The following FOXK1 variants were observed in gnomAD, a reference collection of about 807,000 sequenced individuals.
The protein encoded by FOXK1 is forkhead box K1, also known as forkhead box protein K1.
FOXK1 carries 19 observed loss-of-function variants against 51.9 expected under a neutral mutation model. The ratio of observed to expected loss-of-function variants is 0.37; its 90% CI spans 0.26 to 0.54. The LOEUF (loss-of-function observed/expected upper bound fraction) is 0.54, where lower values mean the gene tolerates loss of function less well. Ranked by LOEUF, FOXK1 falls within the 20% of genes least tolerant of loss-of-function variation. The probability of loss-of-function intolerance (pLI) is 0.87; values close to 1 mark genes in which losing one functional copy is unlikely to be tolerated. For synonymous variants in FOXK1, 537 were observed against 482.6 expected (o/e 1.11, Z -1.48); for missense variants, 870 against 1,032.7 (o/e 0.84, Z 2.16).
intron 2 of FOXK1, among the ~76,000 whole-genome samples, chr7:4,751,251 C>G (rs1267556302): frequency 6.6e-6 from 1 of 150,632 alleles, no homozygotes; most frequent in Non-Finnish European, 1.5e-5. Flanking sequence ...GCTCTCCTGA[C>G]CTCATGATCC....
chr7:4,713,588 T>A (rs2115042773), intron 1 of FOXK1, among the ~76,000 whole-genome samples: 1 of 150,884 alleles, frequency 6.6e-6, no homozygotes, highest in Middle Eastern at 3.4e-3. Flanking sequence ...CCCTCCTGGG[T>A]GCAAGTGATT....
intron 1 of FOXK1, among the ~76,000 whole-genome samples, chr7:4,728,339 T>A (rs1372814442): frequency 6.6e-6 from 1 of 152,218 alleles, no homozygotes; most frequent in African/African-American, 2.4e-5. Context: ...GCACCCAGAT[T>A]TTAACCCTCA....
At position 4,755,150 on chromosome 7, in the gene FOXK1, G is replaced by A; in HGVS notation, c.904-87G>A. On this transcript the variant is annotated intron_variant, in intron 3 of 8. Coordinates refer to ENST00000328914, the MANE Select transcript of FOXK1 (RefSeq NM_001037165.2). The surrounding 1 kb of genome is among the most constrained non-coding windows in gnomAD (Gnocchi z 6.6). ...CAAGACGCGCACATTCTCGTGGGAA[G>A]GTTCCTCCCCATCAGCTGTGACGGG... 1 of 1,535,850 alleles carries A rather than the reference G, an allele frequency of 6.5e-7. No homozygotes were observed. The highest frequency in any genetic ancestry group is 1.2e-5 in the South Asian group (1 of 83,400).
chr7:4,741,304 T>C (rs1780630890), intron 2 of FOXK1, among the ~76,000 whole-genome samples: 1 of 151,252 alleles, frequency 6.6e-6, no homozygotes, highest in East Asian at 1.9e-4. Flanking sequence ...TTTGTTTTTT[T>C]TTAAAGGGCG....
chr7:4,706,033 C>CATATATAT (rs1562373207), intron 1 of FOXK1, among the ~76,000 whole-genome samples: 9 of 90,656 alleles, frequency 9.9e-5, no homozygotes, highest in African/African-American at 9.3e-4. Flanking sequence ...CGTGTATATA[C>CATATATAT]GTGTATATAC....
rs1780522010 is a variant in FOXK1 at position 4,734,263 on chromosome 7, T to C, written c.561-6575T>C. Among the ~76,000 whole-genome samples the C allele has an allele frequency of 6.6e-6, 1 of 152,200 alleles. No homozygotes were observed. The highest frequency in any genetic ancestry group is 2.1e-4 in the South Asian group (1 of 4,830). On this transcript the variant is annotated intron_variant, in intron 1 of 8. Coordinates refer to ENST00000328914, the MANE Select transcript of FOXK1 (RefSeq NM_001037165.2). This position sits in a 1 kb window ranked among gnomAD's most constrained non-coding sequence, Gnocchi z 5.2. ...GACAGAGCCTCTGAAGCTCCTGTTT[T>C]CTTTGTCCTTCCTGAGACAGATCTC...
intron 1 of FOXK1, among the ~76,000 whole-genome samples, chr7:4,704,891 G>A (rs1187559223): frequency 6.8e-6 from 1 of 147,750 alleles, no homozygotes; most frequent in Non-Finnish European, 1.5e-5. Flanking sequence ...GAGTGCAGTG[G>A]CATGAACTCA....
intron 1 of FOXK1, among the ~76,000 whole-genome samples, chr7:4,739,378 G>A (rs575595001): frequency 6.6e-6 from 1 of 152,338 alleles, no homozygotes; most frequent in East Asian, 1.9e-4. Flanking sequence ...ATCTCTGTGT[G>A]GGCAGGCTGC....
In FOXK1 at chr7:4,749,900, T is replaced by C. The variant is rs115713873; in HGVS notation, c.747-4559T>C. On this transcript the variant is annotated intron_variant, in intron 2 of 8. Coordinates refer to ENST00000328914, the MANE Select transcript of FOXK1 (RefSeq NM_001037165.2). The surrounding 1 kb of genome is among the most constrained non-coding windows in gnomAD (Gnocchi z 6.0). ...ATAACGTGACCCAGCGACCTGTGTG[T>C]CCCACAGCCCGTCCGTCCCTCTGCA... Among the ~76,000 whole-genome samples the C allele has an allele frequency of 0.013, 1,906 of 152,336 alleles. 47 individuals carry two copies. Among genetic ancestry groups the C allele is most frequent in the African/African-American group, 0.042 (1,757 of 41,574 alleles).
chr7:4,691,346 A>G (rs1346102234), intron 1 of FOXK1, among the ~76,000 whole-genome samples: 1 of 152,158 alleles, frequency 6.6e-6, no homozygotes, highest in African/African-American at 2.4e-5. Context: ...AAACTGATCA[A>G]TAGACATACA....
chr7:4,695,743 C>A (rs1779943299), intron 1 of FOXK1, among the ~76,000 whole-genome samples: 1 of 152,150 alleles, frequency 6.6e-6, no homozygotes, highest in South Asian at 2.1e-4. Flanking sequence ...TCGAGACCAG[C>A]CTGACCAACG....
chr7:4,729,599 C>T lies in FOXK1; in HGVS notation c.561-11239C>T, dbSNP rs1420360198. 1.3e-5 allele frequency among the ~76,000 whole-genome samples: 2 copies of T among 152,220 alleles called. No homozygotes were observed. The highest frequency in any genetic ancestry group is 1.9e-4 in the East Asian group (1 of 5,188). On this transcript the variant is annotated intron_variant, in intron 1 of 8. Coordinates refer to ENST00000328914, the MANE Select transcript of FOXK1 (RefSeq NM_001037165.2). The surrounding 1 kb of genome is among the most constrained non-coding windows in gnomAD (Gnocchi z 6.2). ...GGGAGGGTCGGTGGCCATGGCTGTG[C>T]TTGGCCGCCTCTGTGGGGCTCTATC...
Position 4,745,930 on chromosome 7 carries a change from G to C in FOXK1, c.746+4907G>C, listed in dbSNP as rs1268066054. ...GAAGGAATTAAAGTATTTAATGAAA[G>C]AATTCAAGTAGTTAATCATTTTCTA... On this transcript the variant is annotated intron_variant, in intron 2 of 8. Coordinates refer to ENST00000328914, the MANE Select transcript of FOXK1 (RefSeq NM_001037165.2). This position sits in a 1 kb window ranked among gnomAD's most constrained non-coding sequence, Gnocchi z 4.3. 6.6e-6 allele frequency among the ~76,000 whole-genome samples: 1 copy of C among 152,036 alleles called. No individual in the cohort carries two copies. Among genetic ancestry groups the C allele is most frequent in the African/African-American group, 2.4e-5 (1 of 41,390 alleles).
At chr7:4,702,863 C>G (rs1780037725) in intron 1 of FOXK1, among the ~76,000 whole-genome samples, 1 of 152,210 alleles carries the variant, frequency 6.6e-6, no homozygotes, top group Non-Finnish European at 1.5e-5. Flanking sequence ...CTTCTCAGCT[C>G]TGACCAGAGG....
At chr7:4,691,118 G>A (rs571077834) in intron 1 of FOXK1, among the ~76,000 whole-genome samples, 4 of 152,278 alleles carry the variant, frequency 2.6e-5, no homozygotes, top group African/African-American at 7.2e-5. Context: ...CCAAGAAGGC[G>A]TGTGGCGTGC....
chr7:4,747,193 G>A lies in FOXK1; in HGVS notation c.746+6170G>A, dbSNP rs941661823. Among the ~76,000 whole-genome samples the A allele has an allele frequency of 8.5e-5, 13 of 152,226 alleles. No individual in the cohort carries two copies. Among genetic ancestry groups the A allele is most frequent in the African/African-American group, 3.1e-4 (13 of 41,460 alleles). On this transcript the variant is annotated intron_variant, in intron 2 of 8. Coordinates refer to ENST00000328914, the MANE Select transcript of FOXK1 (RefSeq NM_001037165.2). This position sits in a 1 kb window ranked among gnomAD's most constrained non-coding sequence, Gnocchi z 9.2. The stretch of plus-strand genomic sequence containing the variant: ...CCGACTTCTCAGGTCAGCCTCGGGT[G>A]ACAAGCGGCTTGTGTGGAGTAGGCC...
At chr7:4,693,688 G>T (rs989808560) in intron 1 of FOXK1, among the ~76,000 whole-genome samples, 8 of 152,042 alleles carry the variant, frequency 5.3e-5, no homozygotes, top group African/African-American at 1.9e-4. Context: ...CAGGGTTGGG[G>T]TGTCCCAGGT....
At chr7:4,691,110 A>G (rs1299718457) in intron 1 of FOXK1, among the ~76,000 whole-genome samples, 2 of 152,182 alleles carry the variant, frequency 1.3e-5, no homozygotes, top group African/African-American at 2.4e-5. Flanking sequence ...GTGCGTAACC[A>G]AGAAGGCGTG....
At chr7:4,759,756 G>A in intron 7 of FOXK1, 161 bp downstream of exon 7, 1 of 903,596 alleles carries the variant, frequency 1.1e-6, no homozygotes, top group South Asian at 1.8e-5. Flanking sequence ...CATGAGCTGG[G>A]CAGGTGGCTC....
Sources: gnomAD v4.1 joint callset for allele counts (sites outside exome capture counted in the v4.1 genomes callset) on GRCh38, gnomAD v4.1.1 for gene constraint, Gnocchi (gnomAD v3.1) non-coding constraint, MANE v1.5 for transcripts, NCBI Gene and HGNC (gene_info 2026-07-23, HGNC 2026-07-21) for gene names.